Variants in DLEC1 observed in about 807,000 individuals in gnomAD.
DLEC1 encodes the protein deleted in lung and esophageal cancer protein 1.
DLEC1 carries 146 observed loss-of-function variants against 198.1 expected under a neutral mutation model. The ratio of observed to expected loss-of-function variants is 0.74; its 90% CI spans 0.64 to 0.85. The LOEUF (loss-of-function observed/expected upper bound fraction) is 0.85. Among genes scored for constraint, DLEC1 ranks in the 40% least tolerant of loss-of-function variants. The pLI, the probability that DLEC1 is intolerant of heterozygous loss-of-function variation, is 0.00. For synonymous variants in DLEC1, 897 were observed against 866.8 expected, an observed-to-expected ratio of 1.03 and a Z score of -0.61; for missense variants, 2,233 against 2,220.0, an observed-to-expected ratio of 1.01 and a Z score of -0.12.
intron 6 of DLEC1, among the ~76,000 whole-genome samples, chr3:38,082,755 G>C (rs1446501210): frequency 4.0e-5 from 6 of 151,600 alleles, no homozygotes. Flanking sequence ...TAGAGACATG[G>C]AGAGAAGGGG....
rs1384789094 is a variant in DLEC1 at position 38,081,404 on chromosome 3, G to T, written c.1174-2754G>T. ...CCAGTAGGGGCGGCCGGGCAGAGGC[G>T]CCCCTCACCTCCCGGACGGGGCGGC... On this transcript the variant is annotated intron_variant, in intron 6 of 36. Coordinates refer to ENST00000308059, the MANE Select transcript of DLEC1 (RefSeq NM_007335.4). Among the ~76,000 whole-genome samples, 27 of 111,888 alleles carry T rather than the reference G, an allele frequency of 2.4e-4. No homozygotes were observed. In the East Asian group the frequency reaches 7.8e-3, roughly 32 times the overall value. 73.4% of individuals were successfully genotyped at this position (111,888 alleles called of 152,430 possible). A position where few individuals can be genotyped will look rare whatever the true frequency, so the allele number is the denominator to read the frequency against.
intron 2 of DLEC1, among the ~76,000 whole-genome samples, chr3:38,054,736 G>A (rs558434615): frequency 1.1e-4 from 16 of 152,336 alleles, no homozygotes; most frequent in African/African-American, 3.8e-4. Flanking sequence ...AACATGCATG[G>A]TGGGTGGCTG....
intron 2 of DLEC1, among the ~76,000 whole-genome samples, chr3:38,053,145 T>G (rs950079129): frequency 6.6e-5 from 10 of 152,096 alleles, no homozygotes; most frequent in African/African-American, 2.4e-4. Flanking sequence ...CGCTACAACC[T>G]CCACCTCCCA....
At position 38,112,432 on chromosome 3, in the gene DLEC1, C is replaced by T. The variant is rs1485902084; in HGVS notation, c.3666+71C>T. 3.4e-5 allele frequency: 54 copies of T among 1,585,992 alleles called. No homozygotes were observed. The highest frequency in any genetic ancestry group is 4.3e-5 in the Non-Finnish European group (50 of 1,160,100). On this transcript the variant is annotated intron_variant, in intron 25 of 36. Coordinates refer to ENST00000308059, the MANE Select transcript of DLEC1 (RefSeq NM_007335.4). The surrounding 1 kb of genome is among the most constrained non-coding windows in gnomAD (Gnocchi z 4.8). ...CCCAGCCCTCGCCTTCAGCCTCTCTCCCCTCCAACACCTGGCCCTCAGACT... is the reference window on the plus strand; with the variant it reads ...CCCAGCCCTCGCCTTCAGCCTCTCTTCCCTCCAACACCTGGCCCTCAGACT...
At position 38,108,478 on chromosome 3, in the gene DLEC1, A is replaced by T. The variant is rs1174854591; in HGVS notation, c.3092A>T (p.Glu1031Val). The T allele has an allele frequency of 6.2e-7, 1 of 1,614,144 alleles. No homozygotes were observed. The highest frequency in any genetic ancestry group is 1.7e-5 in the Admixed American group (1 of 60,016). ...PKHGLLGPSE[E>V]CQLKLELTAH... ...CATGGCCTGCTGGGCCCAAGTGAGG[A>T]GTGCCAGCTCAAGTTGGAGTTGACT... The change falls in exon 21 of 37, where the codon GAG (glutamate) becomes GTG (valine). Residue 1031 changes from glutamate (E) to valine (V), a missense_variant. Physicochemically the swap from Glu to Val is moderately radical, Grantham distance 121. Coordinates refer to ENST00000308059, the MANE Select transcript of DLEC1 (RefSeq NM_007335.4).
chr3:38,109,923 A>T, intron 22 of DLEC1, 176 bp from the exon 23 acceptor site: 1 of 751,080 alleles, frequency 1.3e-6, no homozygotes, highest in Non-Finnish European at 2.1e-6. Flanking sequence ...GGCCTCTCTC[A>T]GCATCATGGG....
chr3:38,049,001 GGA>G (rs1700995605), intron 2 of DLEC1, among the ~76,000 whole-genome samples: 1 of 152,038 alleles, frequency 6.6e-6, no homozygotes, highest in South Asian at 2.1e-4. Flanking sequence ...CTGAATCCTG[GGA>G]GTCAGCTACT....
At chr3:38,052,110 C>T in intron 2 of DLEC1, 1 of 327,508 alleles carries the variant, frequency 3.1e-6, no homozygotes, top group Non-Finnish European at 6.2e-6. Flanking sequence ...GCAGCATGGG[C>T]TCCTCGACCC....
intron 21 of DLEC1, 79 bp from the exon 22 acceptor site, chr3:38,109,353 C>T: frequency 4.4e-6 from 7 of 1,574,996 alleles, no homozygotes; most frequent in East Asian, 2.2e-5. Flanking sequence ...ACAGCAATCC[C>T]CTGTGCTGCG....
At position 38,110,287 on chromosome 3, in the gene DLEC1, T is replaced by C. The variant is rs930029552; in HGVS notation, c.3443+6T>C. On this transcript the variant is annotated splice_donor_region_variant and intron_variant, in intron 23 of 36. Transcript: ENST00000308059. ...CTGAGCAAAAAGACCAGCCTGTAAG[T>C]CTTGCTTCTTTCACTTCCCAGGGCA... The C allele has an allele frequency of 5.0e-6, 8 of 1,613,872 alleles. No individual in the cohort carries two copies. The highest frequency in any genetic ancestry group is 5.9e-6 in the Non-Finnish European group (7 of 1,179,962).
intron 1 of DLEC1, among the ~76,000 whole-genome samples, chr3:38,044,090 T>A (rs968810410): frequency 1.3e-5 from 2 of 151,830 alleles, no homozygotes; most frequent in African/African-American, 4.8e-5. Flanking sequence ...TACAAAAAAA[T>A]TTAAAAATTA....
chr3:38,106,375 A>G (rs1403123247), intron 19 of DLEC1, among the ~76,000 whole-genome samples: 1 of 152,214 alleles, frequency 6.6e-6, no homozygotes, highest in Non-Finnish European at 1.5e-5. Context: ...GTTTTCAGGA[A>G]GGGCATGCTG....
At position 38,084,253 on chromosome 3, in the gene DLEC1, C is replaced by A; in HGVS notation, c.1261+8C>A. The A allele has an allele frequency of 2.5e-6, 4 of 1,609,530 alleles. No homozygotes were observed. The South Asian group carries it at 3.3e-5, about 13-fold the overall frequency. On this transcript the variant is annotated splice_region_variant and intron_variant, in intron 7 of 36. Transcript: ENST00000308059. ...ACTTCGCTCTGGGACTGGGTAAGTT[C>A]AGTATTTGTAAGTTCATTAGTAGTA...
chr3:38,070,013 T>C (rs1435419137), intron 6 of DLEC1, among the ~76,000 whole-genome samples: 1 of 152,254 alleles, frequency 6.6e-6, no homozygotes, highest in African/African-American at 2.4e-5. Context: ...ATGGCTTCTG[T>C]CATGTTATAA....
intron 1 of DLEC1, among the ~76,000 whole-genome samples, chr3:38,043,038 T>C (rs1341157542): frequency 6.6e-6 from 1 of 152,160 alleles, no homozygotes; most frequent in Non-Finnish European, 1.5e-5. Flanking sequence ...CCTGAGTTTT[T>C]CCCTCAGATA....
intron 2 of DLEC1, among the ~76,000 whole-genome samples, chr3:38,050,161 T>C (rs976506694): frequency 6.6e-6 from 1 of 151,986 alleles, no homozygotes. Context: ...CCCTGACTCC[T>C]GGGCTCAAGT....
In DLEC1 at chr3:38,109,515, G is replaced by A. The variant is rs1250669922; in HGVS notation, c.3213G>A (p.Gln1071=). 1.2e-6 allele frequency: 2 copies of A among 1,614,230 alleles called. No homozygotes were observed. The change falls in exon 22 of 37, where the codon CAG becomes CAA. Residue 1071 remains glutamine, a synonymous_variant. Transcript: ENST00000308059. ...PLVLGISGKP[Q]GLQVAITISK... Reference sequence around the variant, plus strand: ...TTCTAGGCATTTCTGGGAAGCCCCAGGGACTGCAAGTGGCCATTACCATCT... The same window carrying A: ...TTCTAGGCATTTCTGGGAAGCCCCAAGGACTGCAAGTGGCCATTACCATCT...
intron 10 of DLEC1, among the ~76,000 whole-genome samples, chr3:38,088,923 C>T (rs1248177081): frequency 6.6e-6 from 1 of 152,188 alleles, no homozygotes. Flanking sequence ...CTGCCCCCTT[C>T]AGCTGATCAC....
intron 6 of DLEC1, among the ~76,000 whole-genome samples, chr3:38,083,631 A>T (rs1050530460): frequency 2.0e-5 from 3 of 152,006 alleles, no homozygotes; most frequent in Non-Finnish European, 4.4e-5. Context: ...GGGCATTTTC[A>T]CTTCTTTTGT....
Sources: allele counts gnomAD v4.1 joint callset (sites outside exome capture counted in the v4.1 genomes callset), GRCh38; gene constraint gnomAD v4.1.1; non-coding constraint Gnocchi (gnomAD v3.1); transcripts MANE v1.5; gene names NCBI Gene and HGNC (gene_info 2026-07-23, HGNC 2026-07-21).